Variants in MARCHF5 observed in about 807,000 individuals in gnomAD.
The protein encoded by MARCHF5 is E3 ubiquitin-protein ligase MARCHF5.
In MARCHF5, 5 loss-of-function variants were observed where a neutral mutation model predicts 36.5. The observed-to-expected ratio is 0.14, with a 90% confidence interval of 0.07 to 0.29. MARCHF5 has a LOEUF of 0.29. Ranked by LOEUF, MARCHF5 falls within the 10% of genes least tolerant of loss-of-function variation. MARCHF5 has a pLI of 1.00. For synonymous variants in MARCHF5, 103 were observed against 109.9 expected, an observed-to-expected ratio of 0.94 and a Z score of 0.39; for missense variants, 179 against 336.3, an observed-to-expected ratio of 0.53 and a Z score of 3.66.
In MARCHF5 at chr10:92,349,706, G is replaced by T. The variant is rs1325400533; in HGVS notation, c.589G>T (p.Ala197Ser). ...GCPVPRIPAEANPLADHVSAT... is the reference protein window; with the variant it reads ...GCPVPRIPAESNPLADHVSAT... ...TCCTGTTCCTCGAATTCCAGCTGAG[G>T]CCAATCCTTTAGCAGATCATGTCTC... The change falls in exon 5 of 6, where the codon GCC becomes TCC. Residue 197 changes from alanine to serine, a missense_variant. By Grantham distance (99) the Ala-to-Ser change is moderately conservative. Around this residue, in one of 3 missense-constraint regions of MARCHF5, gnomAD observed 95 missense variants for 139.5 expected, o/e 0.68. Transcript: ENST00000358935. The T allele has an allele frequency of 5.0e-6, 8 of 1,613,926 alleles. No homozygotes were observed. The highest frequency in any genetic ancestry group is 5.9e-6 in the Non-Finnish European group (7 of 1,180,008).
chr10:92,319,795 C>T (rs1843267317), intron 2 of MARCHF5, among the ~76,000 whole-genome samples: 1 of 150,054 alleles, frequency 6.7e-6, no homozygotes, highest in Non-Finnish European at 1.5e-5. Flanking sequence ...GCTGGGATTA[C>T]AGGCACCTGC....
intron 1 of MARCHF5, among the ~76,000 whole-genome samples, chr10:92,298,015 T>A: frequency 6.6e-6 from 1 of 152,182 alleles, no homozygotes; most frequent in South Asian, 2.1e-4. Context: ...CTGGCCAACA[T>A]GGCGAATCCC....
At position 92,343,482 on chromosome 10, in the gene MARCHF5, A is replaced by C. The variant is rs559262665; in HGVS notation, c.369+2679A>C. ...TAGGAGGTAATTTCCTTGAAAGCAG[A>C]GTCCATTTTATGCTTCTGTATTCCC... is the stretch of plus-strand genomic sequence containing the variant. On this transcript the variant is annotated intron_variant, in intron 3 of 5. Transcript: ENST00000358935. Among the ~76,000 whole-genome samples, 11 of 152,344 alleles carry C rather than the reference A, an allele frequency of 7.2e-5. No homozygotes were observed. The South Asian group carries it at 1.0e-3, about 14-fold the overall frequency.
At chr10:92,311,096 A>G (rs754687959) in intron 1 of MARCHF5, 39 bp from the exon 2 acceptor site, 1 of 1,545,608 alleles carries the variant, frequency 6.5e-7, no homozygotes, top group Non-Finnish European at 8.9e-7. Context: ...CTGGAGTCCT[A>G]AAGATATAAA....
chr10:92,297,964 G>T (rs915439103), intron 1 of MARCHF5, among the ~76,000 whole-genome samples: 23 of 152,102 alleles, frequency 1.5e-4, no homozygotes, highest in Admixed American at 1.2e-3. Flanking sequence ...TTGGAAGACC[G>T]AGGCAGGCCA....
At chr10:92,307,936 C>G (rs1471325176) in intron 1 of MARCHF5, among the ~76,000 whole-genome samples, 1 of 149,892 alleles carries the variant, frequency 6.7e-6, no homozygotes, top group Non-Finnish European at 1.5e-5. Context: ...ATTATTTATG[C>G]TTCCCCCCTT....
intron 3 of MARCHF5, 25 bp from the exon 4 acceptor site, chr10:92,349,324 C>T (rs367936216): frequency 4.0e-6 from 6 of 1,498,746 alleles, no homozygotes; most frequent in African/African-American, 1.4e-5. Flanking sequence ...AGAAGTAATT[C>T]TAATATATGC....
intron 2 of MARCHF5, among the ~76,000 whole-genome samples, chr10:92,314,859 G>A (rs1022696156): frequency 3.3e-5 from 5 of 151,042 alleles, no homozygotes; most frequent in Non-Finnish European, 7.4e-5. Context: ...AGGATCACAG[G>A]CATGAGCCAC....
chr10:92,340,289 G>T (rs914487499), intron 2 of MARCHF5, among the ~76,000 whole-genome samples: 1 of 152,176 alleles, frequency 6.6e-6, no homozygotes. Flanking sequence ...GGCTGTTTAC[G>T]AGAATTTATG....
chr10:92,298,824 T>C (rs908087056), intron 1 of MARCHF5, among the ~76,000 whole-genome samples: 1 of 152,114 alleles, frequency 6.6e-6, no homozygotes, highest in African/African-American at 2.4e-5. Context: ...CAGCCTCCCA[T>C]AGTGCTGGGA....
chr10:92,317,752 CTTT>C (rs61127922), intron 2 of MARCHF5, among the ~76,000 whole-genome samples: 7 of 135,100 alleles, frequency 5.2e-5, no homozygotes, highest in Admixed American at 1.5e-4. Flanking sequence ...AATCTGAATG[CTTT>C]TTTTTTTTTT....
intron 1 of MARCHF5, among the ~76,000 whole-genome samples, chr10:92,296,055 A>G (rs1179235524): frequency 6.6e-6 from 1 of 151,694 alleles, no homozygotes; most frequent in Non-Finnish European, 1.5e-5. Flanking sequence ...TTGTATTTTT[A>G]GTAGAGACTG....
intron 1 of MARCHF5, among the ~76,000 whole-genome samples, chr10:92,295,442 C>T (rs1444463828): frequency 4.9e-5 from 7 of 144,108 alleles, no homozygotes; most frequent in African/African-American, 1.8e-4. Flanking sequence ...GAGTCTCGCT[C>T]AGTCGCCCAG....
At chr10:92,329,237 G>A (rs972783959) in intron 2 of MARCHF5, among the ~76,000 whole-genome samples, 8 of 152,184 alleles carry the variant, frequency 5.3e-5, no homozygotes, top group Admixed American at 1.3e-4. Context: ...CAATATGTGA[G>A]TGTGCCTATT....
chr10:92,297,451 T>G (rs1842960324), intron 1 of MARCHF5, among the ~76,000 whole-genome samples: 2 of 151,078 alleles, frequency 1.3e-5, no homozygotes, highest in South Asian at 4.2e-4. Context: ...AGTGGGGGAC[T>G]ACAGGTGTGT....
intron 1 of MARCHF5, among the ~76,000 whole-genome samples, chr10:92,298,901 G>T (rs980059041): frequency 2.0e-5 from 3 of 151,912 alleles, no homozygotes; most frequent in Non-Finnish European, 4.4e-5. Context: ...AAAGAAACAG[G>T]GTCTTGCACT....
At chr10:92,304,172 A>G (rs944720692) in intron 1 of MARCHF5, among the ~76,000 whole-genome samples, 2 of 152,236 alleles carry the variant, frequency 1.3e-5, no homozygotes, top group African/African-American at 4.8e-5. Flanking sequence ...GGTGCCAAGT[A>G]GAATTGCTTT....
At chr10:92,349,975 T>G in intron 5 of MARCHF5, 138 bp downstream of exon 5, 1 of 657,384 alleles carries the variant, frequency 1.5e-6, no homozygotes, top group South Asian at 2.0e-5. Context: ...TCACTATCAT[T>G]CAATAGCTTG....
In MARCHF5 at chr10:92,299,682, T is replaced by C. The variant is rs372610380; in HGVS notation, c.35+8153T>C. 9.8e-5 allele frequency among the ~76,000 whole-genome samples: 15 copies of C among 152,286 alleles called. No homozygotes were observed. In the East Asian group the frequency reaches 2.1e-3, roughly 22 times the overall value. ...TCAGAGCTTCCCACACACACACATA[T>C]TCATCTGGAAGTTCACTGAGAACAG... On this transcript the variant is annotated intron_variant, in intron 1 of 5. Transcript: ENST00000358935.
Sources: gnomAD v4.1 joint callset for allele counts (sites outside exome capture counted in the v4.1 genomes callset) on GRCh38, gnomAD v4.1.1 for gene constraint, gnomAD v4.1.1 regional missense constraint, MANE v1.5 for transcripts, NCBI Gene and HGNC (gene_info 2026-07-23, HGNC 2026-07-21) for gene names.